CACNA1E: variants seen among roughly 807,000 people sequenced by gnomAD.
CACNA1E encodes voltage-dependent R-type calcium channel subunit alpha-1E.
CACNA1E carries 40 observed loss-of-function variants against 259.2 expected under a neutral mutation model. The observed-to-expected ratio is 0.15, with a 90% CI of 0.12 to 0.20. The LOEUF (loss-of-function observed/expected upper bound fraction) is 0.20. Among genes scored for constraint, CACNA1E ranks in the 10% least tolerant of loss-of-function variants. The pLI is 1.00. For missense variants in CACNA1E, 1,874 were observed against 3,040.1 expected, an observed-to-expected ratio of 0.62 and a Z score of 9.02; for synonymous variants, 1,104 against 1,138.5, an observed-to-expected ratio of 0.97 and a Z score of 0.61.
At chr1:181,756,811 T>C in intron 29 of CACNA1E, 114 bp from the exon 30 acceptor site, 2 of 732,924 alleles carry the variant, frequency 2.7e-6, no homozygotes, top group Non-Finnish European at 4.8e-6. Flanking sequence ...AAAAAATTAA[T>C]GGAGGATCTG....
chr1:181,369,412 G>A (rs1386710680), intron 1 of CACNA1E, among the ~76,000 whole-genome samples: 2 of 152,232 alleles, frequency 1.3e-5, no homozygotes, highest in Non-Finnish European at 2.9e-5. Flanking sequence ...AGTCCCCTGC[G>A]AGGGAAGCTA....
intron 7 of CACNA1E, among the ~76,000 whole-genome samples, chr1:181,704,127 A>G (rs1427014374): frequency 6.6e-6 from 1 of 152,142 alleles, no homozygotes; most frequent in Non-Finnish European, 1.5e-5. Flanking sequence ...GCCTTTATTG[A>G]CAACCTAAGT....
At chr1:181,795,126 T>A in intron 46 of CACNA1E, 82 bp downstream of exon 46, 1 of 1,184,838 alleles carries the variant, frequency 8.4e-7, no homozygotes, top group Non-Finnish European at 1.2e-6. Context: ...GGACTGTAGA[T>A]AACCAGAAAA....
chr1:181,454,707 CT>C (rs1661355940), intron 2 of CACNA1E, among the ~76,000 whole-genome samples: 1 of 152,202 alleles, frequency 6.6e-6, no homozygotes, highest in Non-Finnish European at 1.5e-5. Context: ...TGTCTTCCCC[CT>C]AAACCAGTTT....
chr1:181,500,814 TCA>T (rs1665183723), intron 1 of CACNA1E, among the ~76,000 whole-genome samples: 2 of 152,228 alleles, frequency 1.3e-5, no homozygotes, highest in Admixed American at 1.3e-4. Flanking sequence ...TGCAGAGTTT[TCA>T]GAGGAAAACA....
intron 3 of CACNA1E, among the ~76,000 whole-genome samples, chr1:181,551,905 C>T (rs1572184172): frequency 6.6e-6 from 1 of 152,006 alleles, no homozygotes. Flanking sequence ...CCTTTCCTTG[C>T]ATCCTTTCAT....
At chr1:181,790,344 AC>A in intron 43 of CACNA1E, 100 bp from the exon 44 acceptor site, 1 of 619,636 alleles carries the variant, frequency 1.6e-6, no homozygotes, top group South Asian at 2.2e-5. Flanking sequence ...TACTAGGTTT[AC>A]AAAAGCCAGC....
intron 6 of CACNA1E, among the ~76,000 whole-genome samples, chr1:181,591,210 T>C (rs1437476822): frequency 6.6e-6 from 1 of 152,252 alleles, no homozygotes; most frequent in Non-Finnish European, 1.5e-5. Context: ...ATTCTTTTCT[T>C]TGTGGAGACC....
chr1:181,421,171 A>G (rs1658711706), intron 2 of CACNA1E, among the ~76,000 whole-genome samples: 1 of 152,134 alleles, frequency 6.6e-6, no homozygotes, highest in Non-Finnish European at 1.5e-5. Flanking sequence ...TGGTGTCCCT[A>G]CAGTAACTGG....
intron 3 of CACNA1E, among the ~76,000 whole-genome samples, chr1:181,561,132 T>C (rs1242166633): frequency 3.3e-5 from 5 of 152,152 alleles, no homozygotes; most frequent in Admixed American, 6.6e-5. Context: ...TTAGGGCAGA[T>C]GAAAAAGTTC....
intron 7 of CACNA1E, among the ~76,000 whole-genome samples, chr1:181,700,410 C>T (rs1271841329): frequency 6.6e-6 from 1 of 152,164 alleles, no homozygotes; most frequent in Admixed American, 6.5e-5. Context: ...TGGTGGCTGC[C>T]CGTAGTGTGT....
intron 3 of CACNA1E, among the ~76,000 whole-genome samples, chr1:181,544,611 G>T (rs1471915443): frequency 2.6e-5 from 4 of 152,162 alleles, no homozygotes; most frequent in Non-Finnish European, 4.4e-5. Context: ...GTGGTGGGTT[G>T]GTGCAAGCTG....
intron 1 of CACNA1E, among the ~76,000 whole-genome samples, chr1:181,360,220 C>T (rs781327418): frequency 2.0e-5 from 3 of 152,134 alleles, no homozygotes; most frequent in Non-Finnish European, 2.9e-5. Context: ...ATAGGGTTAC[C>T]GTATGACCCA....
At chr1:181,628,414 G>A (rs1236753778) in intron 6 of CACNA1E, among the ~76,000 whole-genome samples, 1 of 152,170 alleles carries the variant, frequency 6.6e-6, no homozygotes, top group Non-Finnish European at 1.5e-5. Context: ...TGCCTTCTCT[G>A]TAGTCTTATA....
intron 3 of CACNA1E, among the ~76,000 whole-genome samples, chr1:181,520,940 A>G (rs1666954088): frequency 6.6e-6 from 1 of 152,214 alleles, no homozygotes; most frequent in Admixed American, 6.5e-5. Context: ...GATGTGACCC[A>G]GGAAGGCTGA....
intron 6 of CACNA1E, among the ~76,000 whole-genome samples, chr1:181,641,649 G>T (rs1249465034): frequency 6.7e-6 from 1 of 149,534 alleles, no homozygotes; most frequent in Non-Finnish European, 1.5e-5. Flanking sequence ...GACAATCATG[G>T]TCTTCAACCT....
chr1:181,782,016 G>A (rs1211174100), intron 39 of CACNA1E, among the ~76,000 whole-genome samples: 1 of 152,176 alleles, frequency 6.6e-6, no homozygotes, highest in Non-Finnish European at 1.5e-5. Flanking sequence ...ATTTTTAGGA[G>A]AGAGGAAAAC....
intron 6 of CACNA1E, among the ~76,000 whole-genome samples, chr1:181,622,587 G>T (rs1253074826): frequency 6.6e-6 from 1 of 152,040 alleles, no homozygotes; most frequent in Non-Finnish European, 1.5e-5. Context: ...TACTTTTCTT[G>T]TAATAATACC....
intron 6 of CACNA1E, among the ~76,000 whole-genome samples, chr1:181,639,025 T>G (rs1445504569): frequency 6.6e-6 from 1 of 152,132 alleles, no homozygotes; most frequent in Non-Finnish European, 1.5e-5. Flanking sequence ...CTCTCTTGCA[T>G]GTGGTTGTGA....
Sources: gnomAD v4.1 joint callset for allele counts (sites outside exome capture counted in the v4.1 genomes callset) on GRCh38, gnomAD v4.1.1 for gene constraint, MANE v1.5 for transcripts, NCBI Gene and HGNC (gene_info 2026-07-23, HGNC 2026-07-21) for gene names.